The following DOT1L variants were observed in gnomAD, a reference collection of about 807,000 sequenced individuals.
The protein encoded by DOT1L is histone-lysine N-methyltransferase, H3 lysine-79 specific.
DOT1L carries 33 observed loss-of-function variants against 153.3 expected under a neutral mutation model. That is an observed-to-expected ratio of 0.22 (90% CI 0.16 to 0.29). DOT1L has a LOEUF of 0.29. Among genes scored for constraint, DOT1L ranks in the 10% least tolerant of loss-of-function variants. The pLI, the probability that DOT1L is intolerant of heterozygous loss-of-function variation, is 1.00. For synonymous variants in DOT1L, 1,135 were observed against 965.1 expected (o/e 1.18, Z -3.26); for missense variants, 1,847 against 2,119.9 (o/e 0.87, Z 2.53).
At chr19:2,181,448 A>T (rs2022227850) in intron 2 of DOT1L, among the ~76,000 whole-genome samples, 2 of 152,066 alleles carry the variant, frequency 1.3e-5, no homozygotes, top group Admixed American at 1.3e-4. Context: ...GGCCATGCTG[A>T]GCTCCTCTTG....
At chr19:2,174,231 G>A (rs2144670832) in intron 1 of DOT1L, among the ~76,000 whole-genome samples, 1 of 152,340 alleles carries the variant, frequency 6.6e-6, no homozygotes, top group Middle Eastern at 3.4e-3. Flanking sequence ...TCTTCCTCCT[G>A]TGGAGGTCTG....
chr19:2,221,853 C>T lies in DOT1L; in HGVS notation c.2807-123C>T, dbSNP rs553051186. 4.6e-4 allele frequency: 483 copies of T among 1,050,004 alleles called. 8 individuals are homozygous for T. In the South Asian group the frequency reaches 7.3e-3, roughly 16 times the overall value. The allele number at this position is 1,050,004 out of a possible 1,614,324, so 65.0% of individuals were successfully genotyped here. Reference sequence around the variant, plus strand: ...AGAGGGGCCGTTTTCAGACTCCCAACCCCTTCCCCACTTCCCCGCCTCTCC... The same window carrying T: ...AGAGGGGCCGTTTTCAGACTCCCAATCCCTTCCCCACTTCCCCGCCTCTCC... On this transcript the variant is annotated intron_variant, in intron 23 of 27. Transcript: ENST00000398665.
At chr19:2,227,191 A>G (rs2024387595) in intron 27 of DOT1L, 64 bp downstream of exon 27, 1 of 1,574,204 alleles carries the variant, frequency 6.4e-7, no homozygotes, top group Non-Finnish European at 8.6e-7. Flanking sequence ...CTTCCTTTGC[A>G]GGTTCCCTTC....
At chr19:2,198,788 A>G (rs2023127786) in intron 7 of DOT1L, among the ~76,000 whole-genome samples, 1 of 152,162 alleles carries the variant, frequency 6.6e-6, no homozygotes, top group South Asian at 2.1e-4. Context: ...GACATTTCAC[A>G]GAAACAGGAT....
intron 17 of DOT1L, 100 bp downstream of exon 17, chr19:2,213,740 C>T (rs1161054346): frequency 1.2e-6 from 2 of 1,601,120 alleles, no homozygotes; most frequent in East Asian, 2.2e-5. Context: ...CTGTCTATGC[C>T]TCTGTCCAGC....
rs931040568 is a variant in DOT1L, at chr19:2,224,463, T to C, written c.3597-925T>C. Among the ~76,000 whole-genome samples the C allele has an allele frequency of 1.5e-4, 20 of 136,064 alleles. No individual in the cohort carries two copies. In the East Asian group the frequency reaches 3.4e-3, roughly 23 times the overall value. 89.3% of individuals were successfully genotyped at this position (136,064 alleles called of 152,430 possible). On this transcript the variant is annotated intron_variant, in intron 25 of 27. Transcript: ENST00000398665. ...GATATAACATGGTAGGGTTTTTTGC[T>C]TTTTTTTTTTTTTTTTTCCTGAGAC...
In DOT1L at chr19:2,222,432, G is replaced by T. The variant is rs370815654; in HGVS notation, c.3263G>T (p.Arg1088Leu). Residue 1088 changes from arginine to leucine, a missense_variant, in exon 24 of 28, where the codon CGG becomes CTG. By Grantham distance (102) the Arg-to-Leu change is moderately radical. Coordinates refer to ENST00000398665, the MANE Select transcript of DOT1L (RefSeq NM_032482.3). This position sits in a 1 kb window ranked among gnomAD's most constrained non-coding sequence, Gnocchi z 6.5. Reference sequence around the variant, plus strand: ...GGGCAGGACAGTCGCAGGCGCGGCCGGCGGAAGCGAGCATCTGCGGGGACG... The same window carrying T: ...GGGCAGGACAGTCGCAGGCGCGGCCTGCGGAAGCGAGCATCTGCGGGGACG... Reference protein sequence around the residue: ...SHGQDSRRRGRRKRASAGTPS... With the variant: ...SHGQDSRRRGLRKRASAGTPS... 1.2e-6 allele frequency: 2 copies of T among 1,609,322 alleles called. No individual in the cohort carries two copies.
intron 1 of DOT1L, among the ~76,000 whole-genome samples, chr19:2,170,547 A>G (rs941779083): frequency 4.6e-5 from 7 of 152,016 alleles, no homozygotes; most frequent in African/African-American, 1.7e-4. Context: ...GATTCAACTC[A>G]CTTCCAGCAT....
chr19:2,192,109 T>C (rs1255408795), intron 5 of DOT1L, among the ~76,000 whole-genome samples: 2 of 152,182 alleles, frequency 1.3e-5, no homozygotes, highest in Non-Finnish European at 2.9e-5. Flanking sequence ...ATGTGAACCT[T>C]GTGCCTGCAG....
At chr19:2,225,115 T>G (rs2024274296) in intron 25 of DOT1L, among the ~76,000 whole-genome samples, 1 of 152,212 alleles carries the variant, frequency 6.6e-6, no homozygotes, top group African/African-American at 2.4e-5. Flanking sequence ...CTTCTCCCAT[T>G]CAGCTGCTGT....
intron 19 of DOT1L, chr19:2,215,816 A>G (rs2023876655): frequency 1.3e-5 from 2 of 154,132 alleles, no homozygotes; most frequent in African/African-American, 2.4e-5. Flanking sequence ...CATTTTTGTC[A>G]TCATCTTTTC....
In DOT1L at chr19:2,211,809, G is replaced by A. The variant is rs1158753674; in HGVS notation, c.1524G>A (p.Lys508=). The change falls in exon 16 of 28, where the codon AAG becomes AAA. Residue 508 remains lysine, a synonymous_variant. Transcript: ENST00000398665. ...CATACACAAAGACCCCCCAGTACAA[G>A]GCCAGCCTGCAGGAGCTGCTGGGCC... ...FLAYTKTPQY[K]ASLQELLGQE... is the part of the protein sequence containing the mutation. 6.4e-7 allele frequency: 1 copy of A among 1,573,508 alleles called. No individual in the cohort carries two copies. The highest frequency in any genetic ancestry group is 1.2e-5 in the South Asian group (1 of 85,718).
Position 2,187,923 on chromosome 19 carries a change from GAA to G in DOT1L, c.201-1795_201-1794del, listed in dbSNP as rs11453591. On this transcript the variant is annotated intron_variant, in intron 3 of 27. Coordinates refer to ENST00000398665, the MANE Select transcript of DOT1L (RefSeq NM_032482.3). ...GGTGACAGAGCGAGACTCCATCTCAGAAAAAAAAAAAAAAAGGGAAGTGAAAA... is the reference window on the plus strand; with the variant it reads ...GGTGACAGAGCGAGACTCCATCTCAGAAAAAAAAAAAAAGGGAAGTGAAAA... Among the ~76,000 whole-genome samples the G allele has an allele frequency of 2.3e-4, 30 of 130,922 alleles. 1 individual carries two copies. The South Asian group carries it at 7.2e-3, about 31-fold the overall frequency. The allele number at this position is 130,922 out of a possible 152,430, so 85.9% of individuals were successfully genotyped here.
intron 1 of DOT1L, among the ~76,000 whole-genome samples, chr19:2,176,287 G>T (rs1016509027): frequency 6.6e-6 from 1 of 152,182 alleles, no homozygotes; most frequent in African/African-American, 2.4e-5. Context: ...GAGCAAGAGG[G>T]GACAGGGGCA....
At chr19:2,178,748 G>T (rs1251230577) in intron 1 of DOT1L, among the ~76,000 whole-genome samples, 1 of 136,828 alleles carries the variant, frequency 7.3e-6, no homozygotes, top group African/African-American at 2.4e-5. Context: ...TCTATTTTTA[G>T]TAGAGACGGG....
chr19:2,184,532 G>A (rs2022400670), intron 2 of DOT1L, among the ~76,000 whole-genome samples: 1 of 152,134 alleles, frequency 6.6e-6, no homozygotes, highest in Non-Finnish European at 1.5e-5. Flanking sequence ...CAAGAGGACT[G>A]GGGAGCAGAG....
intron 7 of DOT1L, among the ~76,000 whole-genome samples, chr19:2,195,070 T>C (rs2022959358): frequency 6.6e-6 from 1 of 152,006 alleles, no homozygotes; most frequent in Non-Finnish European, 1.5e-5. Flanking sequence ...ACCCTGGGGA[T>C]GGCGTCGCGT....
rs577424545 is a variant in DOT1L at position 2,197,042 on chromosome 19, A to G, written c.651+2465A>G. Among the ~76,000 whole-genome samples, 67 of 152,194 alleles carry G rather than the reference A, an allele frequency of 4.4e-4. No individual in the cohort carries two copies. Among genetic ancestry groups the G allele is most frequent in the African/African-American group, 1.4e-3 (60 of 41,514 alleles). On this transcript the variant is annotated intron_variant, in intron 7 of 27. Transcript: ENST00000398665. The surrounding 1 kb of genome is among the most constrained non-coding windows in gnomAD (Gnocchi z 4.1). ...GGTCGGCGTGCGATTCTGTTTATCCAAGGTGGGATTCTGCTGGCTGATGGG... is the reference window on the plus strand; with the variant it reads ...GGTCGGCGTGCGATTCTGTTTATCCGAGGTGGGATTCTGCTGGCTGATGGG...
At chr19:2,212,140 C>A in intron 16 of DOT1L, 1 of 316,846 alleles carries the variant, frequency 3.2e-6, no homozygotes, top group Non-Finnish European at 5.8e-6. Flanking sequence ...GTCCCTCCCC[C>A]GGTTCCTCAA....
Sources: allele counts gnomAD v4.1 joint callset (sites outside exome capture counted in the v4.1 genomes callset), GRCh38; gene constraint gnomAD v4.1.1; non-coding constraint Gnocchi (gnomAD v3.1); transcripts MANE v1.5; gene names NCBI Gene and HGNC (gene_info 2026-07-23, HGNC 2026-07-21).